The following PTPRO variants were observed in gnomAD, a reference collection of about 807,000 sequenced individuals.
PTPRO encodes receptor-type tyrosine-protein phosphatase O.
In PTPRO, 62 loss-of-function variants were observed where a neutral mutation model predicts 145.2. The observed-to-expected ratio is 0.43, with a 90% CI of 0.35 to 0.53. The LOEUF (loss-of-function observed/expected upper bound fraction) is 0.53, where lower values mean the gene tolerates loss of function less well. PTPRO is among the 20% of genes least tolerant of loss of function. The pLI is 0.01. For synonymous variants in PTPRO, 565 were observed against 514.7 expected (o/e 1.10, Z -1.32); for missense variants, 1,345 against 1,482.7 (o/e 0.91, Z 1.53).
intron 12 of PTPRO, among the ~76,000 whole-genome samples, chr12:15,543,869 G>A (rs1446391766): frequency 6.6e-6 from 1 of 152,140 alleles, no homozygotes; most frequent in African/African-American, 2.4e-5. Flanking sequence ...AGGCAAACAT[G>A]GGCTGACATA....
chr12:15,478,738 A>C (rs1591637552), intron 1 of PTPRO, among the ~76,000 whole-genome samples: 1 of 151,876 alleles, frequency 6.6e-6, no homozygotes, highest in Non-Finnish European at 1.5e-5. Flanking sequence ...GTGGCGCGAT[A>C]TCGGCTCACT....
At chr12:15,487,994 A>C (rs1024230649) in intron 2 of PTPRO, among the ~76,000 whole-genome samples, 1 of 152,110 alleles carries the variant, frequency 6.6e-6, no homozygotes, top group Non-Finnish European at 1.5e-5. Flanking sequence ...TGCTTTGCCA[A>C]AGGTGAAATA....
At chr12:15,480,815 A>G (rs1001412663) in intron 1 of PTPRO, among the ~76,000 whole-genome samples, 6 of 152,230 alleles carry the variant, frequency 3.9e-5, no homozygotes, top group African/African-American at 9.6e-5. Flanking sequence ...AGAGAGACAG[A>G]CAGATAGATA....
At chr12:15,511,004 A>AAAAAC (rs1942428826) in intron 7 of PTPRO, among the ~76,000 whole-genome samples, 1 of 24,242 alleles carries the variant, frequency 4.1e-5, no homozygotes, top group South Asian at 1.2e-3. Flanking sequence ...CTGTCTCCAC[A>AAAAAC]AAAAAAAAAA....
intron 1 of PTPRO, among the ~76,000 whole-genome samples, chr12:15,424,220 T>G (rs1012254818): frequency 1.3e-5 from 2 of 152,218 alleles, no homozygotes; most frequent in Non-Finnish European, 2.9e-5. Context: ...AATTATATAT[T>G]TATGGACATA....
intron 1 of PTPRO, among the ~76,000 whole-genome samples, chr12:15,360,095 C>T (rs932012866): frequency 5.1e-4 from 77 of 152,172 alleles, no homozygotes; most frequent in African/African-American, 1.7e-3. Flanking sequence ...CAAATGTGGG[C>T]CCTTCCCTCT....
chr12:15,550,366 G>A (rs796846843), intron 14 of PTPRO, among the ~76,000 whole-genome samples: 15 of 152,282 alleles, frequency 9.9e-5, no homozygotes, highest in African/African-American at 3.6e-4. Flanking sequence ...CTGAGGAGGA[G>A]GAGGAAGAGG....
intron 9 of PTPRO, among the ~76,000 whole-genome samples, chr12:15,519,016 T>C (rs1942656156): frequency 6.6e-6 from 1 of 152,310 alleles, no homozygotes; most frequent in Admixed American, 6.5e-5. Context: ...CAATTTACTG[T>C]ATTCATTCGT....
At chr12:15,355,419 A>G (rs962825809) in intron 1 of PTPRO, among the ~76,000 whole-genome samples, 2 of 152,128 alleles carry the variant, frequency 1.3e-5, no homozygotes, top group Non-Finnish European at 2.9e-5. Flanking sequence ...TTCCCTCTCT[A>G]CACTGAAAAA....
intron 1 of PTPRO, among the ~76,000 whole-genome samples, chr12:15,351,452 G>A (rs952304844): frequency 3.9e-5 from 6 of 151,988 alleles, no homozygotes; most frequent in Non-Finnish European, 7.3e-5. Flanking sequence ...GAAAACAAAA[G>A]GCCTATTAAC....
At chr12:15,455,315 C>T (rs147752467) in intron 1 of PTPRO, among the ~76,000 whole-genome samples, 134 of 152,184 alleles carry the variant, frequency 8.8e-4, no homozygotes, top group African/African-American at 3.2e-3. Flanking sequence ...CCCTTCCCCC[C>T]CACACACACA....
chr12:15,360,502 GAAC>G (rs1428348534), intron 1 of PTPRO, among the ~76,000 whole-genome samples: 1 of 151,998 alleles, frequency 6.6e-6, no homozygotes, highest in African/African-American at 2.4e-5. Flanking sequence ...TGCCATGCAG[GAAC>G]AACAACAAAA....
chr12:15,508,527 G>C, intron 6 of PTPRO, 44 bp from the exon 7 acceptor site: 2 of 1,554,348 alleles, frequency 1.3e-6, no homozygotes, highest in Non-Finnish European at 1.8e-6. Flanking sequence ...ATCTCAATCA[G>C]TGTAACGTGC....
At chr12:15,446,038 C>T (rs1214745385) in intron 1 of PTPRO, among the ~76,000 whole-genome samples, 2 of 152,072 alleles carry the variant, frequency 1.3e-5, no homozygotes, top group African/African-American at 4.8e-5. Flanking sequence ...ATTTTTTAAA[C>T]AGTGAACCAC....
At chr12:15,415,536 C>T (rs908221365) in intron 1 of PTPRO, among the ~76,000 whole-genome samples, 9 of 151,952 alleles carry the variant, frequency 5.9e-5, no homozygotes, top group Admixed American at 4.6e-4. Flanking sequence ...AGGCACCTGC[C>T]ACCACACCCG....
At chr12:15,557,237 C>A (rs1000228562) in intron 15 of PTPRO, among the ~76,000 whole-genome samples, 1 of 152,058 alleles carries the variant, frequency 6.6e-6, no homozygotes, top group African/African-American at 2.4e-5. Context: ...GACAGGGTTT[C>A]GCCATGTTGG....
rs1942229848 is a variant in PTPRO, at chr12:15,501,908, T to C, written c.950T>C (p.Leu317Pro). Residue 317 changes from leucine (L) to proline (P), a missense_variant, in exon 5 of 27, where the codon CTT becomes CCT. By Grantham distance (98) the Leu-to-Pro change is moderately conservative. Transcript: ENST00000281171. Reference sequence around the variant, plus strand: ...AGTGAAGATGAATTTGTCAGCGTACTTCCCATGGAATACGAAAATAACAGT... The same window carrying C: ...AGTGAAGATGAATTTGTCAGCGTACCTCCCATGGAATACGAAAATAACAGT... ...PESEDEFVSV[L>P]PMEYENNSTL... 3.1e-6 allele frequency: 5 copies of C among 1,614,076 alleles called. No individual in the cohort carries two copies. The East Asian group carries it at 1.1e-4, about 36-fold the overall frequency.
intron 1 of PTPRO, among the ~76,000 whole-genome samples, chr12:15,456,747 T>C (rs1358713138): frequency 6.6e-6 from 1 of 152,206 alleles, no homozygotes; most frequent in African/African-American, 2.4e-5. Flanking sequence ...AATGTACTGG[T>C]ATATAATTGT....
At chr12:15,442,196 G>A (rs1044129050) in intron 1 of PTPRO, among the ~76,000 whole-genome samples, 2 of 151,996 alleles carry the variant, frequency 1.3e-5, no homozygotes, top group South Asian at 4.1e-4. Flanking sequence ...CTGATTCAAT[G>A]TACACAAATC....
Sources: allele counts gnomAD v4.1 joint callset (sites outside exome capture counted in the v4.1 genomes callset), GRCh38; gene constraint gnomAD v4.1.1; transcripts MANE v1.5; gene names NCBI Gene and HGNC (gene_info 2026-07-23, HGNC 2026-07-21).